KCNQ1: variants seen among roughly 807,000 people sequenced by gnomAD.
KCNQ1 encodes the protein potassium voltage-gated channel subfamily KQT member 1.
Under a neutral mutation model 72.4 loss-of-function variants are expected in KCNQ1, and 49 were observed. The ratio of observed to expected loss-of-function variants is 0.68; its 90% confidence interval spans 0.54 to 0.86. The LOEUF (loss-of-function observed/expected upper bound fraction) is 0.86. Among genes scored for constraint, KCNQ1 ranks in the 40% least tolerant of loss-of-function variants. The probability of loss-of-function intolerance (pLI) is 0.00; values close to 1 mark genes in which losing one functional copy is unlikely to be tolerated. For synonymous variants in KCNQ1, 450 were observed against 412.6 expected, an observed-to-expected ratio of 1.09 and a Z score of -1.10; for missense variants, 790 against 945.1, an observed-to-expected ratio of 0.84 and a Z score of 2.15.
chr11:2,754,076 G>A lies in KCNQ1; in HGVS notation c.1515-14768G>A, dbSNP rs144580133. ...CAGGAACACATGCACATGAACACAC[G>A]CTCAGCCTCAGCAGTCATTAAAGAG... is the stretch of plus-strand genomic sequence containing the variant. On this transcript the variant is annotated intron_variant, in intron 11 of 15. Coordinates refer to ENST00000155840, the MANE Select transcript of KCNQ1 (RefSeq NM_000218.3). 6.8e-3 allele frequency among the ~76,000 whole-genome samples: 1,034 copies of A among 152,324 alleles called. 8 individuals are homozygous for A. The highest frequency in any genetic ancestry group is 0.024 in the African/African-American group (988 of 41,560).
At chr11:2,747,358 TAGGG>T (rs755674419) in intron 11 of KCNQ1, among the ~76,000 whole-genome samples, 2 of 152,106 alleles carry the variant, frequency 1.3e-5, no homozygotes, top group Non-Finnish European at 2.9e-5. Context: ...TCCTTCCCTT[TAGGG>T]AGGGAGGGAG....
intron 15 of KCNQ1, among the ~76,000 whole-genome samples, chr11:2,778,890 C>A (rs1252462610): frequency 6.6e-6 from 1 of 152,150 alleles, no homozygotes; most frequent in Non-Finnish European, 1.5e-5. Context: ...GCAGGCACAG[C>A]CCGGCCCAGG....
chr11:2,779,217 G>C (rs1334247113), intron 15 of KCNQ1, among the ~76,000 whole-genome samples: 1 of 152,232 alleles, frequency 6.6e-6, no homozygotes, highest in African/African-American at 2.4e-5. Context: ...ACCCGGGAGA[G>C]GTCAGCTCAC....
intron 1 of KCNQ1, among the ~76,000 whole-genome samples, chr11:2,523,254 C>T (rs990971584): frequency 8.6e-5 from 13 of 151,172 alleles, no homozygotes; most frequent in African/African-American, 1.7e-4. Flanking sequence ...AGTGCAGTGG[C>T]GCGATCTCGG....
chr11:2,570,655 A>G lies in KCNQ1; in HGVS notation c.505A>G (p.Thr169Ala). 2 of 1,612,672 alleles carry G rather than the reference A, an allele frequency of 1.2e-6. No homozygotes were observed. The highest frequency in any genetic ancestry group is 2.2e-5 in the South Asian group (2 of 91,070). Residue 169 changes from threonine to alanine, a missense_variant, in exon 3 of 16, where the codon ACG (threonine) becomes GCG (alanine). By Grantham distance (58) the Thr-to-Ala change is moderately conservative. This residue lies in a region of KCNQ1 where 294 missense variants were observed against 323.3 expected (regional missense o/e 0.91). Coordinates refer to ENST00000155840, the MANE Select transcript of KCNQ1 (RefSeq NM_000218.3). ...MEIVLVVFFG[T>A]EYVVRLWSAG... ...GATCGTGCTGGTGGTGTTCTTCGGG[A>G]CGGAGTACGTGGTCCGCCTCTGGTC...
At chr11:2,761,923 C>T (rs974230039) in intron 11 of KCNQ1, among the ~76,000 whole-genome samples, 5 of 152,250 alleles carry the variant, frequency 3.3e-5, no homozygotes, top group African/African-American at 9.6e-5. Flanking sequence ...GCCTGTGAAG[C>T]AGCCACGGGG....
rs897662103 is a variant in KCNQ1 at position 2,495,958 on chromosome 11, T to C, written c.387-31970T>C. 5.9e-5 allele frequency among the ~76,000 whole-genome samples: 9 copies of C among 152,224 alleles called. No individual in the cohort carries two copies. The highest frequency in any genetic ancestry group is 2.2e-4 in the African/African-American group (9 of 41,452). The stretch of plus-strand genomic sequence containing the variant: ...GGAGTGTTAAAGTCTCGCACTGTTA[T>C]TGAGTAGGAATATAAGTCTCTTTGT... On this transcript the variant is annotated intron_variant, in intron 1 of 15. Transcript: ENST00000155840. The surrounding 1 kb of genome is among the most constrained non-coding windows in gnomAD (Gnocchi z 4.6).
intron 2 of KCNQ1, among the ~76,000 whole-genome samples, chr11:2,534,677 C>CTGTGGGCT (rs1847700008): frequency 6.6e-6 from 1 of 152,230 alleles, no homozygotes; most frequent in African/African-American, 2.4e-5. Context: ...CTCTGTGGGC[C>CTGTGGGCT]TGTGGGCTCA....
chr11:2,689,959 T>C (rs1850561939), intron 11 of KCNQ1: 2 of 398,844 alleles, frequency 5.0e-6, no homozygotes, highest in East Asian at 7.1e-5. Context: ...GTGACTAGCC[T>C]CAGAGCCTGG....
chr11:2,822,766 G>A (rs909796622), intron 15 of KCNQ1, among the ~76,000 whole-genome samples: 2 of 152,178 alleles, frequency 1.3e-5, no homozygotes, highest in Admixed American at 6.5e-5. Context: ...CAGAACAGGG[G>A]GAGCCCCAAA....
Position 2,588,312 on chromosome 11 carries a change from C to A in KCNQ1, c.1252-401C>A, listed in dbSNP as rs1303939652. 6.6e-6 allele frequency among the ~76,000 whole-genome samples: 1 copy of A among 152,110 alleles called. No homozygotes were observed. Among genetic ancestry groups the A allele is most frequent in the Non-Finnish European group, 1.5e-5 (1 of 67,994 alleles). ...CTACTGTTCCCTGTGCTGGAATGTT[C>A]CCCCAGATTTCCACACAGCCTGCTC... On this transcript the variant is annotated intron_variant, in intron 9 of 15. Transcript: ENST00000155840. This position sits in a 1 kb window ranked among gnomAD's most constrained non-coding sequence, Gnocchi z 5.6.
At position 2,556,130 on chromosome 11, in the gene KCNQ1, A is replaced by G. The variant is rs142632080; in HGVS notation, c.478-14498A>G. On this transcript the variant is annotated intron_variant, in intron 2 of 15. Coordinates refer to ENST00000155840, the MANE Select transcript of KCNQ1 (RefSeq NM_000218.3). Reference sequence around the variant, plus strand: ...CTGTGGAAGGGTTCCCGGTCGACGCATCGCACCAGACCCTGCCTCCGCCTC... The same window carrying G: ...CTGTGGAAGGGTTCCCGGTCGACGCGTCGCACCAGACCCTGCCTCCGCCTC... Among the ~76,000 whole-genome samples the G allele has an allele frequency of 2.4e-3, 360 of 151,942 alleles. 3 individuals are homozygous for G. The highest frequency in any genetic ancestry group is 8.3e-3 in the African/African-American group (346 of 41,556).
chr11:2,556,632 A>G (rs1848074445), intron 2 of KCNQ1, among the ~76,000 whole-genome samples: 1 of 152,250 alleles, frequency 6.6e-6, no homozygotes, highest in Non-Finnish European at 1.5e-5. Flanking sequence ...GCCCTGTTCT[A>G]AACTATGAAG....
In KCNQ1 at chr11:2,588,748, T is replaced by C. The variant is rs1564826454; in HGVS notation, c.1287T>C (p.Asn429=). Residue 429 remains asparagine (N), a synonymous_variant, in exon 10 of 16, where the codon AAT becomes AAC. Coordinates refer to ENST00000155840, the MANE Select transcript of KCNQ1 (RefSeq NM_000218.3). The surrounding 1 kb of genome is among the most constrained non-coding windows in gnomAD (Gnocchi z 5.6). Reference sequence around the variant, plus strand: ...AAAAGTTCAAGCTGGACAAAGACAATGGGGTGACTCCTGGAGAGAAGATGC... The same window carrying C: ...AAAAGTTCAAGCTGGACAAAGACAACGGGGTGACTCCTGGAGAGAAGATGC... ...KKKKFKLDKD[N]GVTPGEKMLT... is the part of the protein sequence containing the mutation. 5 of 1,613,642 alleles carry C rather than the reference T, an allele frequency of 3.1e-6. No homozygotes were observed. The highest frequency in any genetic ancestry group is 4.2e-6 in the Non-Finnish European group (5 of 1,179,918).
chr11:2,842,161 C>G (rs1848228232), intron 15 of KCNQ1, among the ~76,000 whole-genome samples: 1 of 152,118 alleles, frequency 6.6e-6, no homozygotes, highest in Non-Finnish European at 1.5e-5. Flanking sequence ...ACCCTCAGTG[C>G]CTGCCAATTC....
intron 1 of KCNQ1, among the ~76,000 whole-genome samples, chr11:2,522,205 G>GCT (rs1564805419): frequency 6.6e-6 from 1 of 151,706 alleles, no homozygotes; most frequent in Non-Finnish European, 1.5e-5. Context: ...GCAGCTCCCC[G>GCT]CCCCCCGCAT....
rs150189155 is a variant in KCNQ1 at position 2,747,942 on chromosome 11, C to T, written c.1515-20902C>T. ...CTGTGTTTCAAAACAATCCCTCTGG[C>T]GTGAAGCAAGCCGTCTTGAAAACAG... On this transcript the variant is annotated intron_variant, in intron 11 of 15. Transcript: ENST00000155840. Among the ~76,000 whole-genome samples, 324 of 152,270 alleles carry T rather than the reference C, an allele frequency of 2.1e-3. 1 individual carries two copies. The highest frequency in any genetic ancestry group is 7.0e-3 in the African/African-American group (289 of 41,552).
At chr11:2,823,115 C>A (rs534759790) in intron 15 of KCNQ1, among the ~76,000 whole-genome samples, 1 of 152,078 alleles carries the variant, frequency 6.6e-6, no homozygotes, top group Non-Finnish European at 1.5e-5. Context: ...CCACTGAGAA[C>A]CTCTAGCAGA....
chr11:2,556,564 G>A (rs1475978761), intron 2 of KCNQ1, among the ~76,000 whole-genome samples: 3 of 152,134 alleles, frequency 2.0e-5, no homozygotes, highest in African/African-American at 4.8e-5. Flanking sequence ...AACAGAAATC[G>A]CGTGGCCTGC....
Sources: allele counts gnomAD v4.1 joint callset (sites outside exome capture counted in the v4.1 genomes callset), GRCh38; gene constraint gnomAD v4.1.1; regional missense constraint gnomAD v4.1.1; non-coding constraint Gnocchi (gnomAD v3.1); transcripts MANE v1.5; gene names NCBI Gene and HGNC (gene_info 2026-07-23, HGNC 2026-07-21).